ROBO1: variants seen among roughly 807,000 people sequenced by gnomAD.
ROBO1 encodes roundabout homolog 1.
Under a neutral mutation model 195.9 loss-of-function variants are expected in ROBO1, and 149 were observed. That is an observed-to-expected ratio of 0.76 (90% CI 0.67 to 0.87). The LOEUF is 0.87. Among genes scored for constraint, ROBO1 ranks in the 40% least tolerant of loss-of-function variants. The pLI is 0.00. For missense variants in ROBO1, 1,933 were observed against 2,068.3 expected, an observed-to-expected ratio of 0.93 and a Z score of 1.27; for synonymous variants, 816 against 733.2, an observed-to-expected ratio of 1.11 and a Z score of -1.82.
At chr3:78,888,506 C>T (rs569707780) in intron 4 of ROBO1, among the ~76,000 whole-genome samples, 1 of 152,084 alleles carries the variant, frequency 6.6e-6, no homozygotes, top group Non-Finnish European at 1.5e-5. Flanking sequence ...TTTTCTTGCT[C>T]GAAATACACA....
chr3:79,267,923 A>G (rs2030137465), intron 2 of ROBO1, among the ~76,000 whole-genome samples: 1 of 151,690 alleles, frequency 6.6e-6, no homozygotes, highest in Non-Finnish European at 1.5e-5. Context: ...GATGAAAGAC[A>G]TCCAGTCATT....
chr3:79,104,889 A>G (rs1377418622), intron 3 of ROBO1, among the ~76,000 whole-genome samples: 1 of 151,838 alleles, frequency 6.6e-6, no homozygotes, highest in Non-Finnish European at 1.5e-5. Flanking sequence ...GAGCTTAGAG[A>G]CAGACCCATA....
At chr3:78,972,540 A>G (rs1348727205) in intron 3 of ROBO1, among the ~76,000 whole-genome samples, 1 of 152,224 alleles carries the variant, frequency 6.6e-6, no homozygotes, top group Non-Finnish European at 1.5e-5. Flanking sequence ...TCACTAACAT[A>G]TAAAGAAATT....
intron 1 of ROBO1, among the ~76,000 whole-genome samples, chr3:79,692,508 T>C (rs1264462820): frequency 2.0e-5 from 3 of 151,760 alleles, no homozygotes; most frequent in Admixed American, 1.3e-4. Flanking sequence ...TTGAAAGCAT[T>C]GATCCATTCA....
chr3:79,166,676 C>T (rs546252025), intron 2 of ROBO1, among the ~76,000 whole-genome samples: 1 of 151,846 alleles, frequency 6.6e-6, no homozygotes, highest in African/African-American at 2.4e-5. Context: ...CGCCATTCTC[C>T]TGCCTCAGCC....
At chr3:78,661,948 C>G in intron 15 of ROBO1, 45 bp downstream of exon 15, 1 of 1,586,232 alleles carries the variant, frequency 6.3e-7, no homozygotes, top group Non-Finnish European at 8.6e-7. Flanking sequence ...GCAATGATCT[C>G]GCAGACGCTT....
intron 2 of ROBO1, among the ~76,000 whole-genome samples, chr3:79,331,625 G>T (rs569977818): frequency 2.6e-5 from 4 of 151,838 alleles, no homozygotes; most frequent in African/African-American, 9.7e-5. Context: ...AATTTTTTCA[G>T]CCAGAGCAGG....
intron 2 of ROBO1, among the ~76,000 whole-genome samples, chr3:79,399,768 C>T (rs539050769): frequency 3.3e-5 from 5 of 152,160 alleles, no homozygotes; most frequent in South Asian, 2.1e-4. Context: ...TTGCGTTGAG[C>T]GTAAATGAAA....
intron 2 of ROBO1, among the ~76,000 whole-genome samples, chr3:79,392,481 G>C (rs1000432802): frequency 6.6e-6 from 1 of 152,146 alleles, no homozygotes; most frequent in African/African-American, 2.4e-5. Flanking sequence ...GATAGGAACT[G>C]CATATAGGCT....
At position 79,343,082 on chromosome 3, in the gene ROBO1, A is replaced by C. The variant is rs1055745693; in HGVS notation, c.89-217543T>G. On this transcript the variant is annotated intron_variant, in intron 2 of 30. Transcript: ENST00000464233. ...AGTTTTGCCTTTTTCGGAATGTCATATTGTTGGAATCATACAGTATGTAGC... is the reference window on the plus strand; with the variant it reads ...AGTTTTGCCTTTTTCGGAATGTCATCTTGTTGGAATCATACAGTATGTAGC... Among the ~76,000 whole-genome samples, 5 of 152,094 alleles carry C rather than the reference A, an allele frequency of 3.3e-5. No homozygotes were observed. The East Asian group carries it at 9.7e-4, about 29-fold the overall frequency.
intron 2 of ROBO1, among the ~76,000 whole-genome samples, chr3:79,434,846 A>C (rs2038823943): frequency 6.6e-6 from 1 of 152,236 alleles, no homozygotes; most frequent in African/African-American, 2.4e-5. Context: ...GGATTAAAAA[A>C]ATATGGCACA....
intron 8 of ROBO1, among the ~76,000 whole-genome samples, chr3:78,711,398 C>CCTTTCTTT (rs1235633066): frequency 6.0e-4 from 24 of 39,944 alleles, no homozygotes; most frequent in Non-Finnish European, 1.1e-3. Flanking sequence ...TTCCTTCCTT[C>CCTTTCTTT]CTTTCTTTCT....
intron 2 of ROBO1, among the ~76,000 whole-genome samples, chr3:79,145,761 G>T (rs2080635758): frequency 6.6e-6 from 1 of 151,952 alleles, no homozygotes; most frequent in Admixed American, 6.6e-5. Flanking sequence ...GGGAGATAAA[G>T]TTCAGGTCAC....
chr3:79,315,946 G>A (rs1019307437), intron 2 of ROBO1, among the ~76,000 whole-genome samples: 1 of 152,156 alleles, frequency 6.6e-6, no homozygotes, highest in Non-Finnish European at 1.5e-5. Context: ...ATAGAGTTGT[G>A]AAAGAGTTGG....
chr3:79,553,412 T>C (rs1942591485), intron 2 of ROBO1, among the ~76,000 whole-genome samples: 1 of 152,074 alleles, frequency 6.6e-6, no homozygotes, highest in East Asian at 1.9e-4. Flanking sequence ...TACAGTTTCA[T>C]CATTTTAAGT....
At chr3:78,743,520 T>C (rs2082582512) in intron 5 of ROBO1, among the ~76,000 whole-genome samples, 1 of 152,092 alleles carries the variant, frequency 6.6e-6, no homozygotes, top group South Asian at 2.1e-4. Context: ...CTGCAATCAT[T>C]CCCTTGGTGA....
intron 2 of ROBO1, among the ~76,000 whole-genome samples, chr3:79,269,157 ATTTAAGTTTTCTTGGCCTCATAT>A (rs1196545911): frequency 6.6e-6 from 1 of 151,690 alleles, no homozygotes; most frequent in African/African-American, 2.4e-5. Context: ...TGTTTGCAGT[ATTTAAGTTTTCTTGGCCTCATAT>A]TTACTCATAG....
chr3:79,530,352 G>A (rs1260760715), intron 2 of ROBO1, among the ~76,000 whole-genome samples: 1 of 151,910 alleles, frequency 6.6e-6, no homozygotes, highest in Non-Finnish European at 1.5e-5. Context: ...ACTCTCTACT[G>A]AGTTCGAGAG....
chr3:79,547,612 T>A (rs1474575007), intron 2 of ROBO1, among the ~76,000 whole-genome samples: 1 of 152,148 alleles, frequency 6.6e-6, no homozygotes, highest in Non-Finnish European at 1.5e-5. Context: ...TGAGATGATA[T>A]TTAGGTGTGG....
Sources: allele counts gnomAD v4.1 joint callset (sites outside exome capture counted in the v4.1 genomes callset), GRCh38; gene constraint gnomAD v4.1.1; transcripts MANE v1.5; gene names NCBI Gene and HGNC (gene_info 2026-07-23, HGNC 2026-07-21).